TCF4: variants seen among roughly 807,000 people sequenced by gnomAD.
TCF4 encodes transcription factor 4, also known as SL3-3 enhancer factor 2.
A neutral mutation model predicts 82.1 loss-of-function variants in TCF4; 3 were observed. The ratio of observed to expected loss-of-function variants is 0.04; its 90% CI spans 0.02 to 0.09. The LOEUF (loss-of-function observed/expected upper bound fraction) is 0.09, where lower values mean the gene tolerates loss of function less well. Ranked by LOEUF, TCF4 falls within the 10% of genes least tolerant of loss-of-function variation. The probability of loss-of-function intolerance (pLI) is 1.00; values close to 1 mark genes in which losing one functional copy is unlikely to be tolerated. For missense variants in TCF4, 518 were observed against 852.7 expected, an observed-to-expected ratio of 0.61 and a Z score of 4.89; for synonymous variants, 276 against 309.6, an observed-to-expected ratio of 0.89 and a Z score of 1.14.
intron 8 of TCF4, among the ~76,000 whole-genome samples, chr18:55,320,190 TAAA>T (rs571799875): frequency 7.0e-6 from 1 of 143,392 alleles, no homozygotes; most frequent in Admixed American, 7.0e-5. Flanking sequence ...ATGTACTTGT[TAAA>T]AAAAAAAAAA....
At chr18:55,489,766 C>T (rs933181656) in intron 3 of TCF4, among the ~76,000 whole-genome samples, 1 of 152,150 alleles carries the variant, frequency 6.6e-6, no homozygotes, top group Non-Finnish European at 1.5e-5. Flanking sequence ...AAATCTCCCC[C>T]ACAGGACTCA....
intron 3 of TCF4, among the ~76,000 whole-genome samples, chr18:55,493,678 TTTAC>T (rs1291109669): frequency 1.3e-5 from 2 of 152,166 alleles, no homozygotes; most frequent in African/African-American, 2.4e-5. Context: ...TAATATATTG[TTTAC>T]TTAAGTTTGT....
At chr18:55,562,591 C>A (rs567168323) in intron 3 of TCF4, among the ~76,000 whole-genome samples, 2 of 152,288 alleles carry the variant, frequency 1.3e-5, no homozygotes, top group African/African-American at 4.8e-5. Context: ...CCCTGACTTC[C>A]TTGTACCCTC....
At chr18:55,249,564 G>C (rs1162318074) in intron 15 of TCF4, among the ~76,000 whole-genome samples, 1 of 152,134 alleles carries the variant, frequency 6.6e-6, no homozygotes, top group Non-Finnish European at 1.5e-5. Flanking sequence ...TCAGGCCCCT[G>C]GTCTTTTAGA....
chr18:55,590,209 C>A (rs947280978), upstream of TCF4, among the ~76,000 whole-genome samples: 33 of 152,240 alleles, frequency 2.2e-4, no homozygotes, highest in Non-Finnish European at 4.1e-4. Context: ...GCCGGCCTCA[C>A]TCACAGTAAG....
chr18:55,410,146 T>C (rs1318904991), intron 5 of TCF4, among the ~76,000 whole-genome samples: 1 of 152,160 alleles, frequency 6.6e-6, no homozygotes, highest in African/African-American at 2.4e-5. Context: ...CAAGGGATAA[T>C]GAAAAATGGG....
chr18:55,342,579 T>C (rs762746462), intron 8 of TCF4, among the ~76,000 whole-genome samples: 5 of 152,168 alleles, frequency 3.3e-5, no homozygotes, highest in Non-Finnish European at 5.9e-5. Flanking sequence ...GCCATAAACA[T>C]TCTCCTAATA....
chr18:55,467,173 T>A (rs575349235), intron 3 of TCF4, among the ~76,000 whole-genome samples: 1 of 152,306 alleles, frequency 6.6e-6, no homozygotes, highest in South Asian at 2.1e-4. Context: ...TTTATCCATA[T>A]CCATAGAAGA....
rs535174832 is a variant in TCF4, at chr18:55,331,102, C to T, written c.549+19257G>A. Among the ~76,000 whole-genome samples the T allele has an allele frequency of 1.1e-4, 16 of 152,228 alleles. No individual in the cohort carries two copies. The South Asian group carries it at 1.2e-3, about 12-fold the overall frequency. ...CCAGTTGACCAAGCAAAACTCCACA[C>T]GGTCCCTGAGATTTTCAGGGAAGAG... On this transcript the variant is annotated intron_variant, in intron 8 of 19. Transcript: ENST00000354452.
At chr18:55,269,438 A>G in intron 11 of TCF4, 1 of 316,602 alleles carries the variant, frequency 3.2e-6, no homozygotes, top group Non-Finnish European at 6.2e-6. Context: ...ATAAGAGCCT[A>G]GCACAATGAC....
intron 8 of TCF4, among the ~76,000 whole-genome samples, chr18:55,307,280 T>C (rs548656881): frequency 6.6e-6 from 1 of 152,326 alleles, no homozygotes; most frequent in Non-Finnish European, 1.5e-5. Context: ...CAGAGGTAAA[T>C]GACCTATGGT....
chr18:55,403,582 G>A (rs749661375), intron 5 of TCF4, 64 bp from the exon 6 acceptor site: 4 of 1,613,536 alleles, frequency 2.5e-6, no homozygotes, highest in Non-Finnish European at 3.4e-6. Flanking sequence ...TCTCCTCCAG[G>A]TAACAGACAT....
intron 3 of TCF4, among the ~76,000 whole-genome samples, chr18:55,497,915 C>T (rs1336369246): frequency 6.6e-6 from 1 of 152,162 alleles, no homozygotes; most frequent in Admixed American, 6.5e-5. Context: ...ATGATCAGTG[C>T]TACTACAATG....
intron 5 of TCF4, among the ~76,000 whole-genome samples, chr18:55,440,385 C>T (rs758191464): frequency 5.9e-5 from 9 of 152,126 alleles, no homozygotes; most frequent in Admixed American, 1.3e-4. Context: ...TCTTCTCACC[C>T]CTTGATCACC....
intron 2 of TCF4, among the ~76,000 whole-genome samples, chr18:55,614,207 G>A (rs1054133855): frequency 2.0e-5 from 3 of 152,156 alleles, no homozygotes; most frequent in African/African-American, 2.4e-5. Context: ...GGACTATTAC[G>A]AATAAAGCTG....
At position 55,607,306 on chromosome 18, in the gene TCF4, T is replaced by G. The variant is rs534424704; in HGVS notation, c.287-20170A>C. On this transcript the variant is annotated intron_variant, in intron 2 of 20. Transcript: ENST00000398339. ...GATAAAAATGTGTTGTTCTTAAAAG[T>G]CAGTAGGTCAAACGATCAATTGAAT... Among the ~76,000 whole-genome samples the G allele has an allele frequency of 5.9e-5, 9 of 152,308 alleles. No homozygotes were observed. In the South Asian group the frequency reaches 1.7e-3, roughly 28 times the overall value.
intron 11 of TCF4, among the ~76,000 whole-genome samples, chr18:55,263,960 T>C (rs1267631174): frequency 6.6e-6 from 1 of 152,090 alleles, no homozygotes; most frequent in Admixed American, 6.5e-5. Context: ...TTTCAAAAGA[T>C]TAATTCTTCC....
rs577346624 is a variant in TCF4, at chr18:55,548,991, A to AT, written c.145+36288dup. Among the ~76,000 whole-genome samples, 9 of 150,480 alleles carry AT rather than the reference A, an allele frequency of 6.0e-5. No individual in the cohort carries two copies. In the South Asian group the frequency reaches 8.5e-4, roughly 14 times the overall value. ...ACATTGTACATTAAGGATACATTGA[A>AT]TTTTTTTTTTCTTATTTTTCTTTCT... On this transcript the variant is annotated intron_variant, in intron 3 of 19. Coordinates refer to ENST00000354452, the MANE Select transcript of TCF4 (RefSeq NM_001083962.2).
chr18:55,309,852 T>C (rs2071716515), intron 8 of TCF4, among the ~76,000 whole-genome samples: 1 of 151,982 alleles, frequency 6.6e-6, no homozygotes, highest in Non-Finnish European at 1.5e-5. Flanking sequence ...TAATCAATGA[T>C]TGATCAAAAA....
Sources: allele counts gnomAD v4.1 joint callset (sites outside exome capture counted in the v4.1 genomes callset), GRCh38; gene constraint gnomAD v4.1.1; transcripts MANE v1.5; gene names NCBI Gene and HGNC (gene_info 2026-07-23, HGNC 2026-07-21).